Variants in WHRN observed in about 807,000 individuals in gnomAD.
WHRN encodes the protein CASK-interacting protein CIP98.
A neutral mutation model predicts 68.3 loss-of-function variants in WHRN; 41 were observed. The ratio of observed to expected loss-of-function variants is 0.60; its 90% confidence interval spans 0.47 to 0.78. The LOEUF (loss-of-function observed/expected upper bound fraction) is 0.78, where lower values mean the gene tolerates loss of function less well. WHRN is among the 30% of genes least tolerant of loss of function. WHRN has a pLI of 0.00. For synonymous variants in WHRN, 560 were observed against 561.3 expected (o/e 1.00, Z 0.03); for missense variants, 1,243 against 1,244.7 (o/e 1.00, Z 0.02).
rs772388707 is a variant in WHRN at position 114,423,488 on chromosome 9, G to C, written c.1452C>G (p.Ser484=). 1.2e-6 allele frequency: 2 copies of C among 1,612,184 alleles called. No homozygotes were observed. The highest frequency in any genetic ancestry group is 1.7e-6 in the Non-Finnish European group (2 of 1,178,414). ...GGTCGAAGCGTTCTAGGTCTTGCGG[G>C]GAAATGGTGCCTCTCACCTCAGAGA... is the stretch of plus-strand genomic sequence containing the variant. ...SLLSEVRGTI[S]PQDLERFDHL... The change falls in exon 7 of 12, where the codon TCC becomes TCG. Residue 484 remains serine, a synonymous_variant. Coordinates refer to ENST00000362057, the MANE Select transcript of WHRN (RefSeq NM_015404.4).
In WHRN at chr9:114,402,613, TG is replaced by T; in HGVS notation, c.*140del. 1.9e-6 allele frequency: 2 copies of T among 1,052,944 alleles called. No individual in the cohort carries two copies. The highest frequency in any genetic ancestry group is 2.9e-6 in the Non-Finnish European group (2 of 688,180). The allele number at this position is 1,052,944 out of a possible 1,614,324, so 65.2% of individuals were successfully genotyped here. On this transcript the variant is annotated 3_prime_UTR_variant, in exon 12 of 12. Transcript: ENST00000362057. ...TCTTCCTCTCCCAGTTCTGGTCCAG[TG>T]GGCTGGGATGGAGGGGGGATGTCTT...
intron 1 of WHRN, among the ~76,000 whole-genome samples, chr9:114,490,185 T>C (rs890829400): frequency 2.0e-5 from 3 of 152,196 alleles, no homozygotes; most frequent in African/African-American, 7.2e-5. Flanking sequence ...CCACAGAGCA[T>C]TGGTGTGAAC....
intron 1 of WHRN, among the ~76,000 whole-genome samples, chr9:114,486,761 C>CA (rs1317051627): frequency 1.7e-4 from 22 of 131,160 alleles, no homozygotes; most frequent in Middle Eastern, 5.0e-3. Flanking sequence ...TGCCACCTGC[C>CA]AACAGTAACC....
In WHRN at chr9:114,466,543, C is replaced by T. The variant is rs1220976617; in HGVS notation, c.838-151G>A. 12 of 1,118,240 alleles carry T rather than the reference C, an allele frequency of 1.1e-5. No homozygotes were observed. In the Admixed American group the frequency reaches 2.4e-4, roughly 22 times the overall value. 69.3% of individuals were successfully genotyped at this position (1,118,240 alleles called of 1,614,324 possible). On this transcript the variant is annotated intron_variant, in intron 2 of 11. Coordinates refer to ENST00000362057, the MANE Select transcript of WHRN (RefSeq NM_015404.4). ...CCAAGGCCTGGAAGATACCCTAGAA[C>T]ATTCCAGTTCCTGCCCCAGCTCTGC...
At chr9:114,430,792 C>T (rs771939988) in intron 3 of WHRN, among the ~76,000 whole-genome samples, 8 of 152,298 alleles carry the variant, frequency 5.3e-5, no homozygotes, top group Non-Finnish European at 5.9e-5. Context: ...TTACTGGGGA[C>T]GTGTAAGCCC....
At chr9:114,419,256 A>G (rs1335433049) in intron 7 of WHRN, among the ~76,000 whole-genome samples, 1 of 148,486 alleles carries the variant, frequency 6.7e-6, no homozygotes, top group Non-Finnish European at 1.5e-5. Flanking sequence ...TGGGGATCAC[A>G]GCAGTACTCA....
Position 114,465,183 on chromosome 9 carries a change from A to T in WHRN, c.963+1084T>A, listed in dbSNP as rs79048413. 9.9e-3 allele frequency among the ~76,000 whole-genome samples: 1,513 copies of T among 152,292 alleles called. 13 individuals are homozygous for T. The highest frequency in any genetic ancestry group is 0.017 in the Non-Finnish European group (1,149 of 68,024). ...TTTCCTAAGAGAACCTGACAGACGTATCGTCTCTGTACTCCAGCCTGTCTG... is the reference window on the plus strand; with the variant it reads ...TTTCCTAAGAGAACCTGACAGACGTTTCGTCTCTGTACTCCAGCCTGTCTG... On this transcript the variant is annotated intron_variant, in intron 3 of 11. Transcript: ENST00000362057.
intron 3 of WHRN, among the ~76,000 whole-genome samples, chr9:114,440,318 C>T (rs1156491290): frequency 6.6e-6 from 1 of 152,134 alleles, no homozygotes; most frequent in Non-Finnish European, 1.5e-5. Flanking sequence ...CTTGCTGCAA[C>T]CTCTGCCTCC....
At chr9:114,503,257 G>T in intron 1 of WHRN, 1 of 928,024 alleles carries the variant, frequency 1.1e-6, no homozygotes, top group Non-Finnish European at 1.3e-6. Context: ...CCAACCCCCT[G>T]AGAAGCATTT....
chr9:114,448,437 T>C (rs1357261291), intron 3 of WHRN, among the ~76,000 whole-genome samples: 1 of 152,118 alleles, frequency 6.6e-6, no homozygotes. Context: ...AGCCACCCAG[T>C]GTGTGGTCAT....
intron 7 of WHRN, among the ~76,000 whole-genome samples, chr9:114,415,331 G>A (rs1363186207): frequency 6.6e-6 from 1 of 150,404 alleles, no homozygotes; most frequent in African/African-American, 2.4e-5. Context: ...ATTCTCCAGA[G>A]TATCCCATGG....
intron 1 of WHRN, among the ~76,000 whole-genome samples, chr9:114,490,349 A>T (rs1842879203): frequency 6.6e-6 from 1 of 152,208 alleles, no homozygotes; most frequent in Admixed American, 6.5e-5. Context: ...ATGGCAGAGA[A>T]ATGTATGATG....
chr9:114,465,199 A>C (rs1840577192), intron 3 of WHRN, among the ~76,000 whole-genome samples: 1 of 152,176 alleles, frequency 6.6e-6, no homozygotes, highest in Non-Finnish European at 1.5e-5. Flanking sequence ...TCTGTACTCC[A>C]GCCTGTCTGC....
At chr9:114,408,891 G>T (rs1206465075) in intron 7 of WHRN, among the ~76,000 whole-genome samples, 4 of 152,200 alleles carry the variant, frequency 2.6e-5, no homozygotes, top group Non-Finnish European at 5.9e-5. Flanking sequence ...CTAAGGGCCT[G>T]AACAGAACAG....
rs777759706 is a variant in WHRN at position 114,426,241 on chromosome 9, C to A, written c.1136G>T (p.Arg379Leu). Reference sequence around the variant, plus strand: ...CGAGTTCGCCATGGTCTCCCTGATCCGGGAACTGGCGATCCACTTGGTCTC... The same window carrying A: ...CGAGTTCGCCATGGTCTCCCTGATCAGGGAACTGGCGATCCACTTGGTCTC... The part of the protein sequence containing the change: ...VDETKWIASS[R>L]IRETMANSAG... The change falls in exon 4 of 12, where the codon CGG (arginine) becomes CTG (leucine). Residue 379 changes from arginine (R) to leucine (L), a missense_variant. By Grantham distance (102) the Arg-to-Leu change is moderately radical. Coordinates refer to ENST00000362057, the MANE Select transcript of WHRN (RefSeq NM_015404.4). 6.2e-7 allele frequency: 1 copy of A among 1,612,414 alleles called. No individual in the cohort carries two copies. The highest frequency in any genetic ancestry group is 8.5e-7 in the Non-Finnish European group (1 of 1,180,020).
chr9:114,479,857 G>A (rs1841963516), intron 1 of WHRN, among the ~76,000 whole-genome samples: 1 of 152,168 alleles, frequency 6.6e-6, no homozygotes, highest in Non-Finnish European at 1.5e-5. Context: ...GAGACCAGGA[G>A]TTCAAAACCA....
At chr9:114,485,898 T>C (rs1217704438) in intron 1 of WHRN, among the ~76,000 whole-genome samples, 3 of 151,078 alleles carry the variant, frequency 2.0e-5, no homozygotes, top group African/African-American at 7.3e-5. Context: ...CCTGCAGTCC[T>C]AGCTACTCAG....
chr9:114,475,728 G>A (rs1045489224), intron 2 of WHRN, among the ~76,000 whole-genome samples: 4 of 152,110 alleles, frequency 2.6e-5, no homozygotes, highest in Non-Finnish European at 5.9e-5. Context: ...ACCCCACCAG[G>A]CCCCTTACCC....
intron 1 of WHRN, among the ~76,000 whole-genome samples, chr9:114,493,787 T>C (rs923516922): frequency 2.0e-5 from 3 of 152,208 alleles, no homozygotes; most frequent in Non-Finnish European, 4.4e-5. Context: ...ATAAAATGCA[T>C]ACAGTGTGCC....
Sources: gnomAD v4.1 joint callset for allele counts (sites outside exome capture counted in the v4.1 genomes callset) on GRCh38, gnomAD v4.1.1 for gene constraint, MANE v1.5 for transcripts, NCBI Gene and HGNC (gene_info 2026-07-23, HGNC 2026-07-21) for gene names.